Variants in STXBP5L observed in about 807,000 individuals in gnomAD.
STXBP5L encodes syntaxin binding protein 5L.
STXBP5L carries 65 observed loss-of-function variants against 144.5 expected under a neutral mutation model. The ratio of observed to expected loss-of-function variants is 0.45; its 90% confidence interval spans 0.37 to 0.55. STXBP5L has a LOEUF of 0.55. Among genes scored for constraint, STXBP5L ranks in the 20% least tolerant of loss-of-function variants. The pLI, the probability that STXBP5L is intolerant of heterozygous loss-of-function variation, is 0.00. For synonymous variants in STXBP5L, 505 were observed against 469.6 expected, an observed-to-expected ratio of 1.08 and a Z score of -0.97; for missense variants, 1,298 against 1,405.5, an observed-to-expected ratio of 0.92 and a Z score of 1.22.
At chr3:120,918,173 C>T (rs192974190) in intron 2 of STXBP5L, among the ~76,000 whole-genome samples, 10 of 152,288 alleles carry the variant, frequency 6.6e-5, no homozygotes, top group African/African-American at 2.2e-4. Context: ...TTTCCTGCCT[C>T]CCTTTTTTAA....
intron 18 of STXBP5L, among the ~76,000 whole-genome samples, chr3:121,275,991 T>A (rs2050869553): frequency 6.6e-6 from 1 of 152,060 alleles, no homozygotes; most frequent in Admixed American, 6.5e-5. Context: ...TTCAGTCATT[T>A]ACATTAATAT....
At chr3:121,003,385 T>C (rs1387449135) in intron 3 of STXBP5L, among the ~76,000 whole-genome samples, 1 of 152,318 alleles carries the variant, frequency 6.6e-6, no homozygotes, top group African/African-American at 2.4e-5. Context: ...TATGCTTTGC[T>C]CACTTTTTAA....
intron 18 of STXBP5L, among the ~76,000 whole-genome samples, chr3:121,267,506 G>A (rs1309531861): frequency 6.6e-6 from 1 of 152,188 alleles, no homozygotes; most frequent in African/African-American, 2.4e-5. Context: ...CATGGGCAAA[G>A]ACTTCATGAC....
At chr3:121,400,309 A>G (rs549241895) in intron 22 of STXBP5L, among the ~76,000 whole-genome samples, 43 of 152,218 alleles carry the variant, frequency 2.8e-4, no homozygotes, top group African/African-American at 9.9e-4. Flanking sequence ...TGGAGTATAC[A>G]TAGAGGTGGT....
At chr3:121,200,835 G>A (rs893988658) in intron 9 of STXBP5L, among the ~76,000 whole-genome samples, 3 of 152,208 alleles carry the variant, frequency 2.0e-5, no homozygotes, top group Admixed American at 6.5e-5. Context: ...TGATTGCACT[G>A]TGGTCTGAGA....
chr3:120,999,884 A>G (rs1943635091), intron 3 of STXBP5L, among the ~76,000 whole-genome samples: 2 of 152,076 alleles, frequency 1.3e-5, no homozygotes, highest in African/African-American at 2.4e-5. Flanking sequence ...GTTTGGTGGG[A>G]TATGAAATTT....
chr3:121,079,362 C>G (rs1372464079), intron 5 of STXBP5L, among the ~76,000 whole-genome samples: 1 of 152,180 alleles, frequency 6.6e-6, no homozygotes, highest in Non-Finnish European at 1.5e-5. Flanking sequence ...GACACTGCAG[C>G]CATGCAGGAA....
At chr3:121,335,857 C>T (rs181529144) in intron 20 of STXBP5L, among the ~76,000 whole-genome samples, 28 of 152,038 alleles carry the variant, frequency 1.8e-4, no homozygotes, top group Non-Finnish European at 2.1e-4. Context: ...ACATAGAAAC[C>T]GGCAAAGATT....
In STXBP5L at chr3:121,419,280, G is replaced by T; in HGVS notation, c.*183G>T. On this transcript the variant is annotated 3_prime_UTR_variant, in exon 27 of 27. Coordinates refer to ENST00000471454, the MANE Select transcript of STXBP5L (RefSeq NM_001308330.2). The stretch of plus-strand genomic sequence containing the variant: ...TGTGCAACCCAAAGGCTGGAGCCCT[G>T]GTTAAAATCCCAAAATACGGCTGAA... 2 of 545,730 alleles carry T rather than the reference G, an allele frequency of 3.7e-6. No individual in the cohort carries two copies. Among genetic ancestry groups the T allele is most frequent in the South Asian group, 3.8e-5 (1 of 26,480 alleles). The allele number at this position is 545,730 out of a possible 1,614,324, so 33.8% of individuals were successfully genotyped here.
At chr3:121,170,219 A>C (rs2046655335) in intron 9 of STXBP5L, among the ~76,000 whole-genome samples, 1 of 152,226 alleles carries the variant, frequency 6.6e-6, no homozygotes, top group African/African-American at 2.4e-5. Context: ...AATTTATAGC[A>C]CTAAATGCCC....
chr3:121,040,364 C>G (rs1186524523), intron 3 of STXBP5L, among the ~76,000 whole-genome samples: 1 of 152,008 alleles, frequency 6.6e-6, no homozygotes, highest in Admixed American at 6.6e-5. Flanking sequence ...GTAATATTCT[C>G]TGAGTACTTT....
chr3:121,194,440 CAGG>C (rs2047837642), intron 9 of STXBP5L, among the ~76,000 whole-genome samples: 1 of 42,778 alleles, frequency 2.3e-5, no homozygotes, highest in African/African-American at 1.1e-4. Context: ...GAGGCCTAGG[CAGG>C]AGGATTGCTT....
chr3:120,981,706 A>G (rs1376987345), intron 3 of STXBP5L, among the ~76,000 whole-genome samples: 2 of 152,216 alleles, frequency 1.3e-5, no homozygotes, highest in Non-Finnish European at 2.9e-5. Context: ...ATCCATTGCT[A>G]GAAAGCTGAT....
At chr3:121,352,851 G>C (rs142017756) in intron 20 of STXBP5L, among the ~76,000 whole-genome samples, 1 of 152,040 alleles carries the variant, frequency 6.6e-6, no homozygotes, top group Non-Finnish European at 1.5e-5. Flanking sequence ...TTTGAGATGC[G>C]TTCCATCAAT....
chr3:120,991,824 G>C (rs533944291), intron 3 of STXBP5L, among the ~76,000 whole-genome samples: 1 of 149,458 alleles, frequency 6.7e-6, no homozygotes, highest in East Asian at 2.0e-4. Context: ...GGTGGGGGCA[G>C]GGGGGAGGGA....
At chr3:120,942,476 G>T (rs1710617030) in intron 2 of STXBP5L, among the ~76,000 whole-genome samples, 1 of 151,358 alleles carries the variant, frequency 6.6e-6, no homozygotes, top group South Asian at 2.1e-4. Context: ...TTATATAATA[G>T]AAAATATATT....
intron 3 of STXBP5L, among the ~76,000 whole-genome samples, chr3:121,036,772 A>ATTTTTTTTTT (rs3863971): frequency 2.5e-5 from 3 of 122,220 alleles, no homozygotes; most frequent in Non-Finnish European, 3.3e-5. Flanking sequence ...ACATTGATTG[A>ATTTTTTTTTT]TTTTTTTTTT....
At chr3:121,363,790 C>A (rs2045785987) in intron 20 of STXBP5L, among the ~76,000 whole-genome samples, 1 of 151,630 alleles carries the variant, frequency 6.6e-6, no homozygotes, top group Admixed American at 6.6e-5. Context: ...GCTTGGTGTC[C>A]TTGCTGGGGT....
At chr3:120,927,291 G>A (rs567927375) in intron 2 of STXBP5L, among the ~76,000 whole-genome samples, 1 of 152,268 alleles carries the variant, frequency 6.6e-6, no homozygotes, top group Non-Finnish European at 1.5e-5. Flanking sequence ...AGGCTGGCTA[G>A]GGGTTCATGC....
Sources: allele counts gnomAD v4.1 joint callset (sites outside exome capture counted in the v4.1 genomes callset), GRCh38; gene constraint gnomAD v4.1.1; transcripts MANE v1.5; gene names NCBI Gene and HGNC (gene_info 2026-07-23, HGNC 2026-07-21).